ENTREP2: variants seen among roughly 807,000 people sequenced by gnomAD.
ENTREP2 encodes endosomal transmembrane epsin interactor 2, also known as protein ENTREP2.
the ENTREP2 span, among the ~76,000 whole-genome samples, chr15:29,559,699 T>C: frequency 6.6e-6 from 1 of 152,274 alleles, no homozygotes; most frequent in Non-Finnish European, 1.5e-5. Context: ...CTCCTACTAC[T>C]GACTCAGATC....
At chr15:29,261,248 C>G in the ENTREP2 span, among the ~76,000 whole-genome samples, 1 of 152,150 alleles carries the variant, frequency 6.6e-6, no homozygotes, top group Non-Finnish European at 1.5e-5. Context: ...CATGGTGGTG[C>G]TCGCCTGTAA....
the ENTREP2 span, among the ~76,000 whole-genome samples, chr15:29,631,528 T>G: frequency 6.6e-6 from 1 of 152,246 alleles, no homozygotes; most frequent in African/African-American, 2.4e-5. Context: ...TGCGGGGCAC[T>G]CTGCAATGCG....
At chr15:29,124,329 A>G in the ENTREP2 span, among the ~76,000 whole-genome samples, 1 of 152,270 alleles carries the variant, frequency 6.6e-6, no homozygotes, top group African/African-American at 2.4e-5. Context: ...TTCACGCCAC[A>G]CAAAGTTGGA....
At chr15:29,153,270 TAG>T in the ENTREP2 span, among the ~76,000 whole-genome samples, 1 of 152,158 alleles carries the variant, frequency 6.6e-6, no homozygotes, top group African/African-American at 2.4e-5. Flanking sequence ...ATGTTTCACA[TAG>T]AGTCTTAGTC....
the ENTREP2 span, among the ~76,000 whole-genome samples, chr15:29,514,591 TC>T: frequency 6.6e-6 from 1 of 152,296 alleles, no homozygotes; most frequent in East Asian, 1.9e-4. Context: ...TCAGTGTGGT[TC>T]CATGCCTTTC....
the ENTREP2 span, among the ~76,000 whole-genome samples, chr15:29,163,414 C>T: frequency 4.0e-5 from 6 of 151,622 alleles, no homozygotes; most frequent in East Asian, 1.9e-4. Flanking sequence ...ATCCAAAAAA[C>T]GATACAAGAA....
chr15:29,282,951 G>A, the ENTREP2 span, among the ~76,000 whole-genome samples: 2 of 152,132 alleles, frequency 1.3e-5, no homozygotes, highest in Non-Finnish European at 2.9e-5. Context: ...CTGGTATGGG[G>A]GTGTGTCCAG....
At chr15:29,269,180 T>C in the ENTREP2 span, 3 of 1,614,140 alleles carry the variant, frequency 1.9e-6, no homozygotes, top group South Asian at 1.1e-5. Context: ...AGGAGGCCCG[T>C]AGTGGGCGTG....
At chr15:29,468,200 T>C in the ENTREP2 span, among the ~76,000 whole-genome samples, 1 of 152,206 alleles carries the variant, frequency 6.6e-6, no homozygotes, top group Admixed American at 6.5e-5. Context: ...TTTCTAAATG[T>C]ATACTGAACA....
the ENTREP2 span, among the ~76,000 whole-genome samples, chr15:29,658,165 A>C: frequency 3.3e-5 from 5 of 152,172 alleles, no homozygotes; most frequent in African/African-American, 1.2e-4. Flanking sequence ...ATCATGGAGC[A>C]GTTTCCCCCA....
chr15:29,354,086 A>G, the ENTREP2 span, among the ~76,000 whole-genome samples: 1 of 152,210 alleles, frequency 6.6e-6, no homozygotes, highest in Non-Finnish European at 1.5e-5. Flanking sequence ...ACCCTCACCA[A>G]TGTGGGTGCA....
At chr15:29,177,722 C>A in the ENTREP2 span, among the ~76,000 whole-genome samples, 94 of 152,236 alleles carry the variant, frequency 6.2e-4, 1 homozygote, top group African/African-American at 2.2e-3. Flanking sequence ...TCTCAGGGGC[C>A]AGAGGAAGGG....
At chr15:29,425,799 T>A in the ENTREP2 span, among the ~76,000 whole-genome samples, 1 of 152,018 alleles carries the variant, frequency 6.6e-6, no homozygotes, top group Non-Finnish European at 1.5e-5. Context: ...ATCAATAGCA[T>A]AGATATCTAT....
chr15:29,131,263 T>C, the ENTREP2 span, among the ~76,000 whole-genome samples: 2 of 152,028 alleles, frequency 1.3e-5, no homozygotes, highest in Admixed American at 1.3e-4. Flanking sequence ...GAAGACACTT[T>C]GCTAACAGAT....
the ENTREP2 span, among the ~76,000 whole-genome samples, chr15:29,137,378 T>C: frequency 1.3e-5 from 2 of 152,112 alleles, no homozygotes; most frequent in African/African-American, 4.8e-5. Flanking sequence ...GTCTCAGAAG[T>C]CTCAAAACGC....
chr15:29,213,189 T>C, the ENTREP2 span, among the ~76,000 whole-genome samples: 1 of 152,242 alleles, frequency 6.6e-6, no homozygotes, highest in Non-Finnish European at 1.5e-5. Flanking sequence ...TTTTGGTTAC[T>C]GTAGCCTTGT....
chr15:29,259,660 C>T, the ENTREP2 span, among the ~76,000 whole-genome samples: 1 of 152,118 alleles, frequency 6.6e-6, no homozygotes, highest in South Asian at 2.1e-4. Context: ...ACCCTCCCTC[C>T]TGATTCTTCA....
chr15:29,384,802 A>C, the ENTREP2 span, among the ~76,000 whole-genome samples: 1,178 of 152,032 alleles, frequency 7.7e-3, 14 homozygotes, highest in African/African-American at 0.027. Flanking sequence ...TTATCCCTCA[A>C]GTTGAGGGCC....
At chr15:29,274,309 C>T in the ENTREP2 span, among the ~76,000 whole-genome samples, 2 of 152,160 alleles carry the variant, frequency 1.3e-5, no homozygotes, top group Non-Finnish European at 2.9e-5. Context: ...TAAACTGTCA[C>T]AGGAGAAGAT....
Sources: gnomAD v4.1 joint callset for allele counts (sites outside exome capture counted in the v4.1 genomes callset) on GRCh38, gnomAD v4.1.1 for gene constraint, MANE v1.5 for transcripts, NCBI Gene and HGNC (gene_info 2026-07-23, HGNC 2026-07-21) for gene names.